Variants in MACROD2 observed in about 807,000 individuals in gnomAD.
MACROD2 encodes the protein ADP-ribose glycohydrolase MACROD2.
Under a neutral mutation model 70.4 loss-of-function variants are expected in MACROD2, and 36 were observed. The ratio of observed to expected loss-of-function variants is 0.51; its 90% confidence interval spans 0.39 to 0.68. The LOEUF (loss-of-function observed/expected upper bound fraction) is 0.68. Ranked by LOEUF, MACROD2 falls within the 30% of genes least tolerant of loss-of-function variation. The pLI, the probability that MACROD2 is intolerant of heterozygous loss-of-function variation, is 0.00. For synonymous variants in MACROD2, 172 were observed against 178.8 expected (o/e 0.96, Z 0.30); for missense variants, 496 against 538.4 (o/e 0.92, Z 0.78).
At chr20:14,550,757 G>T (rs1322338386) in intron 4 of MACROD2, among the ~76,000 whole-genome samples, 1 of 152,202 alleles carries the variant, frequency 6.6e-6, no homozygotes, top group Non-Finnish European at 1.5e-5. Flanking sequence ...TAACTCCAGT[G>T]CCTGGAAAAG....
At chr20:15,679,035 G>A (rs559110041) in intron 8 of MACROD2, among the ~76,000 whole-genome samples, 30 of 152,162 alleles carry the variant, frequency 2.0e-4, no homozygotes, top group Non-Finnish European at 3.8e-4. Context: ...TCAGGAATTC[G>A]AGACCAGCCT....
intron 8 of MACROD2, among the ~76,000 whole-genome samples, chr20:15,564,163 C>G (rs1468548487): frequency 6.6e-6 from 1 of 152,154 alleles, no homozygotes; most frequent in Non-Finnish European, 1.5e-5. Context: ...ATCACTGTTA[C>G]TGTGAAAGTG....
chr20:14,889,981 G>A (rs1644103803), intron 5 of MACROD2, among the ~76,000 whole-genome samples: 1 of 152,104 alleles, frequency 6.6e-6, no homozygotes, highest in Admixed American at 6.5e-5. Flanking sequence ...ATGGCAGCTT[G>A]CAGTAGAAGT....
In MACROD2 at chr20:14,407,099, T is replaced by C. The variant is rs76230016; in HGVS notation, c.272-86380T>C. On this transcript the variant is annotated intron_variant, in intron 3 of 17. Coordinates refer to ENST00000684519, the MANE Select transcript of MACROD2 (RefSeq NM_001351661.2). ...AAACAATCCTTTTATTCAGATCTAGTGATATTACTCTAGTGGCAATGAAAA... is the reference window on the plus strand; with the variant it reads ...AAACAATCCTTTTATTCAGATCTAGCGATATTACTCTAGTGGCAATGAAAA... Among the ~76,000 whole-genome samples the C allele has an allele frequency of 9.2e-3, 1,261 of 136,498 alleles. 47 individuals are homozygous for C. Among genetic ancestry groups the C allele is most frequent in the Admixed American group, 0.076 (999 of 13,086 alleles). The allele number at this position is 136,498 out of a possible 152,430, so 89.5% of individuals were successfully genotyped here.
At chr20:15,177,525 C>T (rs763126467) in intron 5 of MACROD2, among the ~76,000 whole-genome samples, 8 of 151,836 alleles carry the variant, frequency 5.3e-5, no homozygotes, top group East Asian at 1.9e-4. Flanking sequence ...ACTCATTCAT[C>T]GCCATTGAAT....
intron 8 of MACROD2, among the ~76,000 whole-genome samples, chr20:15,528,051 TA>T (rs2047744776): frequency 6.6e-6 from 1 of 152,220 alleles, no homozygotes; most frequent in African/African-American, 2.4e-5. Flanking sequence ...TAGTGTTCAA[TA>T]AATATTTGTA....
chr20:15,166,885 T>G lies in MACROD2; in HGVS notation c.419-63055T>G, dbSNP rs1041686836. 5.3e-5 allele frequency among the ~76,000 whole-genome samples: 8 copies of G among 150,474 alleles called. 1 individual carries two copies. The East Asian group carries it at 7.9e-4, about 15-fold the overall frequency. On this transcript the variant is annotated intron_variant, in intron 5 of 17. Coordinates refer to ENST00000684519, the MANE Select transcript of MACROD2 (RefSeq NM_001351661.2). Reference sequence around the variant, plus strand: ...AAATTTAAGTATTAACTTATTAAATTTAAGTATTAAGTATTAATTTAAGTA... The same window carrying G: ...AAATTTAAGTATTAACTTATTAAATGTAAGTATTAAGTATTAATTTAAGTA...
chr20:14,632,007 T>A (rs1296634513), intron 4 of MACROD2: 1 of 152,060 alleles, frequency 6.6e-6, no homozygotes, highest in Non-Finnish European at 1.5e-5. Context: ...TTGTAATTTA[T>A]TAAAATAACA....
At chr20:15,856,648 G>A (rs371761164) in intron 8 of MACROD2, among the ~76,000 whole-genome samples, 164 of 152,274 alleles carry the variant, frequency 1.1e-3, no homozygotes, top group African/African-American at 3.7e-3. Context: ...CTATGCACTG[G>A]TGATGCAAAG....
rs745396566 is a variant in MACROD2 at position 14,237,529 on chromosome 20, CTTTA to C, written c.271+151813_271+151816del. Among the ~76,000 whole-genome samples the C allele has an allele frequency of 3.0e-3, 458 of 150,494 alleles. 1 individual carries two copies. Among genetic ancestry groups the C allele is most frequent in the Middle Eastern group, 0.017 (5 of 290 alleles). ...AGTCTAATTTATAGTTCTATTAATT[CTTTA>C]TTTATTTATTTTATTATTATTATTA... On this transcript the variant is annotated intron_variant, in intron 3 of 17. Transcript: ENST00000684519.
intron 5 of MACROD2, among the ~76,000 whole-genome samples, chr20:14,789,459 A>ATTTTTT (rs1230000349): frequency 8.2e-5 from 4 of 48,826 alleles, no homozygotes; most frequent in Non-Finnish European, 1.3e-4. Context: ...AGGTAGTGCA[A>ATTTTTT]ATTTTTTTTT....
chr20:14,731,642 TG>T lies in MACROD2; in HGVS notation c.418+46687del, dbSNP rs1317261836. Among the ~76,000 whole-genome samples the T allele has an allele frequency of 3.3e-5, 5 of 152,152 alleles. No individual in the cohort carries two copies. In the East Asian group the frequency reaches 9.6e-4, roughly 29 times the overall value. On this transcript the variant is annotated intron_variant, in intron 5 of 17. Coordinates refer to ENST00000684519, the MANE Select transcript of MACROD2 (RefSeq NM_001351661.2). ...AAGCACTAGTATTTAAAGTGTGGTG[TG>T]GGGACCTCTGGAGGTCCCCCGGGCC... is the stretch of plus-strand genomic sequence containing the variant.
At chr20:14,553,819 C>A (rs1978835926) in intron 4 of MACROD2, among the ~76,000 whole-genome samples, 2 of 152,188 alleles carry the variant, frequency 1.3e-5, no homozygotes, top group South Asian at 4.1e-4. Flanking sequence ...GGACCTGGTC[C>A]AATTTGAAGT....
intron 5 of MACROD2, among the ~76,000 whole-genome samples, chr20:15,100,967 G>C (rs2075867874): frequency 6.6e-6 from 1 of 151,910 alleles, no homozygotes; most frequent in South Asian, 2.1e-4. Flanking sequence ...AGGTGAACAG[G>C]AAAAAAAGTA....
intron 4 of MACROD2, among the ~76,000 whole-genome samples, chr20:14,569,861 A>T (rs975457489): frequency 6.6e-6 from 1 of 152,004 alleles, no homozygotes; most frequent in African/African-American, 2.4e-5. Context: ...TGCAAACCAC[A>T]AAGAATAGTT....
At chr20:15,967,872 A>ACTTGT (rs1475864342) in intron 13 of MACROD2, among the ~76,000 whole-genome samples, 1 of 152,062 alleles carries the variant, frequency 6.6e-6, no homozygotes, top group Non-Finnish European at 1.5e-5. Flanking sequence ...GTTTATTGTT[A>ACTTGT]CTTGTCTGAA....
intron 5 of MACROD2, among the ~76,000 whole-genome samples, chr20:15,167,686 G>C (rs2076395027): frequency 6.6e-6 from 1 of 152,124 alleles, no homozygotes; most frequent in African/African-American, 2.4e-5. Flanking sequence ...TCACGGACTA[G>C]AAGTTCAAAG....
intron 6 of MACROD2, among the ~76,000 whole-genome samples, chr20:15,274,345 G>A (rs554130631): frequency 6.6e-6 from 1 of 152,160 alleles, no homozygotes; most frequent in African/African-American, 2.4e-5. Context: ...ACCCATTTGT[G>A]CTGGGGCTGT....
At position 14,815,450 on chromosome 20, in the gene MACROD2, A is replaced by G. The variant is rs138882377; in HGVS notation, c.418+130491A>G. On this transcript the variant is annotated intron_variant, in intron 5 of 17. Coordinates refer to ENST00000684519, the MANE Select transcript of MACROD2 (RefSeq NM_001351661.2). ...TGAAGTTTTTATAGATTTAATATTTATCATAACATACAACTACATCTATTC... is the reference window on the plus strand; with the variant it reads ...TGAAGTTTTTATAGATTTAATATTTGTCATAACATACAACTACATCTATTC... Among the ~76,000 whole-genome samples the G allele has an allele frequency of 3.1e-4, 47 of 152,156 alleles. No individual in the cohort carries two copies. In the South Asian group the frequency reaches 5.8e-3, roughly 19 times the overall value.
Sources: allele counts gnomAD v4.1 joint callset (sites outside exome capture counted in the v4.1 genomes callset), GRCh38; gene constraint gnomAD v4.1.1; transcripts MANE v1.5; gene names NCBI Gene and HGNC (gene_info 2026-07-23, HGNC 2026-07-21).